DECR1: variants seen among roughly 807,000 people sequenced by gnomAD.
DECR1 encodes 2,4-dienoyl-CoA reductase [(3E)-enoyl-CoA-producing], mitochondrial.
Under a neutral mutation model 38.8 loss-of-function variants are expected in DECR1, and 44 were observed. The observed-to-expected ratio is 1.13, with a 90% CI of 0.89 to 1.46. The LOEUF (loss-of-function observed/expected upper bound fraction) is 1.46, where lower values mean the gene tolerates loss of function less well. Ranked by LOEUF, DECR1 falls within the 40% of genes most tolerant of loss-of-function variation. The pLI is 0.00. For synonymous variants in DECR1, 148 were observed against 135.2 expected, an observed-to-expected ratio of 1.09 and a Z score of -0.66; for missense variants, 428 against 405.5, an observed-to-expected ratio of 1.06 and a Z score of -0.48.
intron 5 of DECR1, among the ~76,000 whole-genome samples, chr8:90,036,376 G>T (rs1014036582): frequency 6.6e-6 from 1 of 152,088 alleles, no homozygotes; most frequent in South Asian, 2.1e-4. Flanking sequence ...CCTGCCTGCT[G>T]TGCAGTATCT....
intron 5 of DECR1, among the ~76,000 whole-genome samples, chr8:90,023,135 C>G (rs1813208661): frequency 6.6e-6 from 1 of 152,186 alleles, no homozygotes; most frequent in Admixed American, 6.5e-5. Context: ...CTTCCAGTCT[C>G]TCAATGTGGT....
intron 1 of DECR1, among the ~76,000 whole-genome samples, chr8:90,006,435 G>A (rs1360007215): frequency 2.0e-5 from 3 of 152,200 alleles, no homozygotes; most frequent in Admixed American, 1.3e-4. Context: ...ACAGAGAGTG[G>A]GGAGGCAGGA....
intron 5 of DECR1, among the ~76,000 whole-genome samples, chr8:90,025,795 G>A (rs1324767307): frequency 2.0e-5 from 3 of 152,128 alleles, no homozygotes; most frequent in African/African-American, 4.8e-5. Flanking sequence ...TCCCTGTCTT[G>A]TGCCAGTTTT....
chr8:90,053,076 G>A lies in DECR1; in HGVS notation c.*1179G>A, dbSNP rs528248976. Among the ~76,000 whole-genome samples, 9 of 152,196 alleles carry A rather than the reference G, an allele frequency of 5.9e-5. No individual in the cohort carries two copies. Among genetic ancestry groups the A allele is most frequent in the African/African-American group, 2.2e-4 (9 of 41,518 alleles). ...ATTTCCAATTATACTGACTTTCACT[G>A]GGCTTTTTTTTAGGCTGTTGCACTT... On this transcript the variant is annotated 3_prime_UTR_variant, in exon 10 of 10. Transcript: ENST00000220764.
intron 5 of DECR1, 146 bp downstream of exon 5, chr8:90,021,202 TATC>T (rs1216838765): frequency 9.3e-5 from 52 of 559,830 alleles, no homozygotes; most frequent in Non-Finnish European, 1.1e-4. Context: ...TTTAAATAAT[TATC>T]ATATGTTACA....
At chr8:90,040,695 C>T (rs1453800568) in intron 6 of DECR1, among the ~76,000 whole-genome samples, 1 of 152,072 alleles carries the variant, frequency 6.6e-6, no homozygotes, top group Non-Finnish European at 1.5e-5. Context: ...CATTGTTCAG[C>T]TCCCACTTAT....
At position 90,044,882 on chromosome 8, in the gene DECR1, T is replaced by G; in HGVS notation, c.772T>G (p.Phe258Val). ...TAGCCGTCTGGACCCAACTGGAACA[T>G]TTGAGAAAGAAATGATTGGCAGAAT... ...AFSRLDPTGT[F>V]EKEMIGRIPC... The change falls in exon 8 of 10, where the codon TTT becomes GTT. Residue 258 changes from phenylalanine to valine, a missense_variant. By Grantham distance (50) the Phe-to-Val change is conservative (BLOSUM62 -1). Coordinates refer to ENST00000220764, the MANE Select transcript of DECR1 (RefSeq NM_001359.2). 4 of 1,613,636 alleles carry G rather than the reference T, an allele frequency of 2.5e-6. No homozygotes were observed. The highest frequency in any genetic ancestry group is 3.4e-6 in the Non-Finnish European group (4 of 1,179,664).
intron 1 of DECR1, among the ~76,000 whole-genome samples, chr8:90,007,966 T>TCA (rs1175547687): frequency 6.6e-6 from 1 of 152,344 alleles, no homozygotes; most frequent in Admixed American, 6.5e-5. Context: ...TGGGAAACCC[T>TCA]CACACTGCAT....
chr8:90,022,166 C>T (rs550212211), intron 5 of DECR1, among the ~76,000 whole-genome samples: 2 of 152,278 alleles, frequency 1.3e-5, no homozygotes, highest in South Asian at 4.1e-4. Context: ...TCATGCTCCT[C>T]AGAGGATGTC....
Position 90,052,342 on chromosome 8 carries a change from T to C in DECR1, c.*445T>C, listed in dbSNP as rs536237064. Among the ~76,000 whole-genome samples, 6 of 152,296 alleles carry C rather than the reference T, an allele frequency of 3.9e-5. No homozygotes were observed. The highest frequency in any genetic ancestry group is 2.6e-4 in the Admixed American group (4 of 15,294). ...TTTGCCTTTCCAGTATACTTTCTTT[T>C]CACTGGACTTGTGAATTATCTTCTT... On this transcript the variant is annotated 3_prime_UTR_variant, in exon 10 of 10. Coordinates refer to ENST00000220764, the MANE Select transcript of DECR1 (RefSeq NM_001359.2).
In DECR1 at chr8:90,047,501, G is replaced by T. The variant is rs529040733; in HGVS notation, c.885+2506G>T. ...AGAGCTAACTATCCTAAATATATTTGCACCCAATACAGGAGCACCCAGATT... is the reference window on the plus strand; with the variant it reads ...AGAGCTAACTATCCTAAATATATTTTCACCCAATACAGGAGCACCCAGATT... On this transcript the variant is annotated intron_variant, in intron 8 of 9. Transcript: ENST00000220764. Among the ~76,000 whole-genome samples, 7 of 152,292 alleles carry T rather than the reference G, an allele frequency of 4.6e-5. No individual in the cohort carries two copies. The South Asian group carries it at 1.2e-3, about 27-fold the overall frequency.
intron 6 of DECR1, among the ~76,000 whole-genome samples, chr8:90,040,647 C>G (rs923575444): frequency 2.0e-5 from 3 of 152,068 alleles, no homozygotes; most frequent in Admixed American, 1.3e-4. Context: ...TTGACAGACC[C>G]AGTGTGTGAT....
chr8:90,042,870 G>A (rs1813798253), intron 7 of DECR1, 70 bp downstream of exon 7: 1 of 1,368,764 alleles, frequency 7.3e-7, no homozygotes, highest in Middle Eastern at 1.8e-4. Context: ...GTATATTCTG[G>A]TTGTTGTGTA....
At chr8:90,003,640 C>T (rs1812671946) in intron 1 of DECR1, among the ~76,000 whole-genome samples, 1 of 152,132 alleles carries the variant, frequency 6.6e-6, no homozygotes, top group Admixed American at 6.5e-5. Flanking sequence ...TATTTTAAGC[C>T]ACAAATAATA....
chr8:90,031,191 T>C (rs943782428), intron 5 of DECR1, among the ~76,000 whole-genome samples: 1 of 152,074 alleles, frequency 6.6e-6, no homozygotes, highest in African/African-American at 2.4e-5. Flanking sequence ...TTCTGTAAAA[T>C]AATGTTGATA....
intron 1 of DECR1, among the ~76,000 whole-genome samples, chr8:90,009,459 A>G (rs1812829342): frequency 6.6e-6 from 1 of 150,714 alleles, no homozygotes; most frequent in African/African-American, 2.4e-5. Context: ...TTTATCCCTC[A>G]TTCCCCCAAG....
rs1195092431 is a variant in DECR1 at position 90,052,559 on chromosome 8, G to A, written c.*662G>A. Among the ~76,000 whole-genome samples, 1 of 152,136 alleles carries A rather than the reference G, an allele frequency of 6.6e-6. No individual in the cohort carries two copies. ...ATTATTCCAGCAGTATTTAAGTGTAGAGGAGGAAGTAATTCATTCTGTCTC... is the reference window on the plus strand; with the variant it reads ...ATTATTCCAGCAGTATTTAAGTGTAAAGGAGGAAGTAATTCATTCTGTCTC... On this transcript the variant is annotated 3_prime_UTR_variant, in exon 10 of 10. Coordinates refer to ENST00000220764, the MANE Select transcript of DECR1 (RefSeq NM_001359.2).
chr8:90,046,868 G>C (rs537009649), intron 8 of DECR1, among the ~76,000 whole-genome samples: 4 of 152,290 alleles, frequency 2.6e-5, no homozygotes, highest in African/African-American at 9.6e-5. Flanking sequence ...GAAGAAAGTG[G>C]GGGCCAATAT....
chr8:90,021,356 A>G (rs988013296), intron 5 of DECR1, among the ~76,000 whole-genome samples: 2 of 152,168 alleles, frequency 1.3e-5, no homozygotes, highest in African/African-American at 2.4e-5. Context: ...ATGTGGAGAA[A>G]GAGGAGGGAA....
Sources: gnomAD v4.1 joint callset for allele counts (sites outside exome capture counted in the v4.1 genomes callset) on GRCh38, gnomAD v4.1.1 for gene constraint, MANE v1.5 for transcripts, NCBI Gene and HGNC (gene_info 2026-07-23, HGNC 2026-07-21) for gene names.